Variants in KHDRBS2 observed in about 807,000 individuals in gnomAD.
The protein encoded by KHDRBS2 is KH domain-containing, RNA-binding, signal transduction-associated protein 2.
In KHDRBS2, 26 loss-of-function variants were observed where a neutral mutation model predicts 44.3. The observed-to-expected ratio is 0.59, with a 90% CI of 0.43 to 0.81. The LOEUF (loss-of-function observed/expected upper bound fraction) is 0.81. Ranked by LOEUF, KHDRBS2 falls within the 40% of genes least tolerant of loss-of-function variation. KHDRBS2 has a pLI of 0.00. For missense variants in KHDRBS2, 476 were observed against 433.1 expected, an observed-to-expected ratio of 1.10 and a Z score of -0.88; for synonymous variants, 194 against 151.1, an observed-to-expected ratio of 1.28 and a Z score of -2.08.
At chr6:62,246,571 C>G (rs1835613501) in intron 1 of KHDRBS2, among the ~76,000 whole-genome samples, 1 of 151,946 alleles carries the variant, frequency 6.6e-6, no homozygotes, top group Non-Finnish European at 1.5e-5. Flanking sequence ...CCTTTCAGTG[C>G]ATAGTACATA....
Position 62,285,986 on chromosome 6 carries a change from G to A in KHDRBS2, c.-38C>T, listed in dbSNP as rs1842443806. Reference sequence around the variant, plus strand: ...GGATTGTCCCCGGGCGAAGCGCGAGGTTCCGCTCGCTCGGACGCAGGCAGG... The same window carrying A: ...GGATTGTCCCCGGGCGAAGCGCGAGATTCCGCTCGCTCGGACGCAGGCAGG... On this transcript the variant is annotated 5_prime_UTR_variant, in exon 1 of 9. Coordinates refer to ENST00000281156, the MANE Select transcript of KHDRBS2 (RefSeq NM_152688.4). 1.5e-6 allele frequency: 2 copies of A among 1,337,402 alleles called. No homozygotes were observed. The highest frequency in any genetic ancestry group is 2.1e-6 in the Non-Finnish European group (2 of 936,408). The allele number at this position is 1,337,402 out of a possible 1,614,324, so 82.8% of individuals were successfully genotyped here. A position where few individuals can be genotyped will look rare whatever the true frequency, so the allele number is the denominator to read the frequency against.
chr6:61,595,655 AT>A, the KHDRBS2 span, among the ~76,000 whole-genome samples: 1 of 151,908 alleles, frequency 6.6e-6, no homozygotes, highest in Non-Finnish European at 1.5e-5. Context: ...CTAGAAAGTA[AT>A]TTTGAGCTGT....
chr6:61,615,244 A>AAAAAAAG, the KHDRBS2 span, among the ~76,000 whole-genome samples: 1 of 150,498 alleles, frequency 6.6e-6, no homozygotes, highest in Non-Finnish European at 1.5e-5. Flanking sequence ...AAAAAAAAAA[A>AAAAAAAG]AAAAAAAGAA....
chr6:61,615,180 C>A, the KHDRBS2 span, among the ~76,000 whole-genome samples: 1 of 128,340 alleles, frequency 7.8e-6, no homozygotes, highest in Non-Finnish European at 1.6e-5. Flanking sequence ...TTGCAGTGAG[C>A]CGAGATCACA....
chr6:61,632,979 T>G, the KHDRBS2 span, among the ~76,000 whole-genome samples: 1 of 152,108 alleles, frequency 6.6e-6, no homozygotes, highest in Non-Finnish European at 1.5e-5. Context: ...AAAGCCTACT[T>G]ATAACAAAAT....
chr6:61,954,217 C>T (rs962398367), intron 4 of KHDRBS2, among the ~76,000 whole-genome samples: 6 of 151,804 alleles, frequency 4.0e-5, no homozygotes, highest in Admixed American at 6.6e-5. Context: ...AGTCTGATAA[C>T]TCAGTCAATA....
intron 7 of KHDRBS2, among the ~76,000 whole-genome samples, chr6:61,722,250 T>A (rs574907463): frequency 6.6e-6 from 1 of 152,302 alleles, no homozygotes; most frequent in Admixed American, 6.5e-5. Context: ...CTTTTTTGGT[T>A]GTGTCTCTGC....
intron 6 of KHDRBS2, among the ~76,000 whole-genome samples, chr6:61,767,533 C>T (rs1780192301): frequency 6.6e-6 from 1 of 151,996 alleles, no homozygotes; most frequent in African/African-American, 2.4e-5. Flanking sequence ...TTTCCTCCCT[C>T]CCTTTCACCC....
rs1304255626 is a variant in KHDRBS2, at chr6:61,944,132, C to G, written c.483+33934G>C. Among the ~76,000 whole-genome samples, 3 of 152,080 alleles carry G rather than the reference C, an allele frequency of 2.0e-5. No individual in the cohort carries two copies. In the East Asian group the frequency reaches 5.8e-4, roughly 29 times the overall value. ...AGATTTCTCAAAACAAAAATTAGAA[C>G]TACCATACAATCAAGCAATCCCACT... On this transcript the variant is annotated intron_variant, in intron 4 of 8. Coordinates refer to ENST00000281156, the MANE Select transcript of KHDRBS2 (RefSeq NM_152688.4).
chr6:62,062,410 G>T (rs1344351903), intron 2 of KHDRBS2, among the ~76,000 whole-genome samples: 1 of 148,556 alleles, frequency 6.7e-6, no homozygotes, highest in African/African-American at 2.5e-5. Context: ...TAAAAGAACA[G>T]AAATTATAAC....
intron 3 of KHDRBS2, among the ~76,000 whole-genome samples, chr6:62,003,870 C>A (rs562159237): frequency 2.0e-4 from 30 of 152,104 alleles, no homozygotes; most frequent in Non-Finnish European, 3.4e-4. Flanking sequence ...CACACAACTA[C>A]ATGGAAACCA....
chr6:61,837,226 A>T (rs529527662), intron 6 of KHDRBS2, among the ~76,000 whole-genome samples: 1 of 152,178 alleles, frequency 6.6e-6, no homozygotes, highest in South Asian at 2.1e-4. Flanking sequence ...ACAAAGCATT[A>T]CTATTTGAGT....
chr6:61,601,976 A>G, the KHDRBS2 span, among the ~76,000 whole-genome samples: 2 of 152,126 alleles, frequency 1.3e-5, no homozygotes, highest in African/African-American at 4.8e-5. Flanking sequence ...ATCAGTTAGC[A>G]TTTAGGCTCT....
At chr6:61,636,090 T>G in the KHDRBS2 span, among the ~76,000 whole-genome samples, 1 of 152,114 alleles carries the variant, frequency 6.6e-6, no homozygotes, top group African/African-American at 2.4e-5. Context: ...TTTCAAATTA[T>G]GTTTTTAATG....
At chr6:62,102,857 T>C (rs1802216718) in intron 2 of KHDRBS2, among the ~76,000 whole-genome samples, 1 of 152,110 alleles carries the variant, frequency 6.6e-6, no homozygotes, top group Admixed American at 6.5e-5. Context: ...GCTCACAATG[T>C]TTGGTGGGTC....
chr6:61,588,141 T>G, the KHDRBS2 span, among the ~76,000 whole-genome samples: 1 of 152,220 alleles, frequency 6.6e-6, no homozygotes, highest in South Asian at 2.1e-4. Context: ...TTTAGTTAAA[T>G]GTCCATTTAT....
intron 2 of KHDRBS2, among the ~76,000 whole-genome samples, chr6:62,107,649 T>C (rs376378209): frequency 1.3e-5 from 2 of 151,902 alleles, no homozygotes; most frequent in African/African-American, 4.8e-5. Context: ...AATCCTAAGC[T>C]AAAAGAACAA....
intron 1 of KHDRBS2, among the ~76,000 whole-genome samples, chr6:62,261,305 A>G (rs1297030477): frequency 1.3e-5 from 2 of 151,852 alleles, no homozygotes; most frequent in Non-Finnish European, 2.9e-5. Context: ...CTCCAGCTCC[A>G]TGGAACTACT....
the KHDRBS2 span, among the ~76,000 whole-genome samples, chr6:61,672,085 A>G: frequency 7.1e-6 from 1 of 141,498 alleles, no homozygotes; most frequent in Non-Finnish European, 1.6e-5. Context: ...TATGAGTGAG[A>G]ATATGCGGTG....
Sources: allele counts gnomAD v4.1 joint callset (sites outside exome capture counted in the v4.1 genomes callset), GRCh38; gene constraint gnomAD v4.1.1; transcripts MANE v1.5; gene names NCBI Gene and HGNC (gene_info 2026-07-23, HGNC 2026-07-21).